RSRC1: variants seen among roughly 807,000 people sequenced by gnomAD.
RSRC1 encodes serine/Arginine-related protein 53.
RSRC1 carries 39 observed loss-of-function variants against 49.1 expected under a neutral mutation model. That is an observed-to-expected ratio of 0.79 (90% CI 0.61 to 1.04). The LOEUF is 1.04. RSRC1 is among the 50% of genes least tolerant of loss of function. The probability of loss-of-function intolerance (pLI) is 0.00; values close to 1 mark genes in which losing one functional copy is unlikely to be tolerated. For missense variants in RSRC1, 388 were observed against 402.4 expected (o/e 0.96, Z 0.31); for synonymous variants, 143 against 130.8 (o/e 1.09, Z -0.63).
chr3:158,296,451 A>G (rs947280405), intron 4 of RSRC1, among the ~76,000 whole-genome samples: 2 of 151,576 alleles, frequency 1.3e-5, no homozygotes, highest in Non-Finnish European at 3.0e-5. Flanking sequence ...GTGTGTGTGC[A>G]TGCATGTGCA....
intron 6 of RSRC1, among the ~76,000 whole-genome samples, chr3:158,365,145 T>G (rs1306107089): frequency 1.3e-5 from 2 of 152,250 alleles, no homozygotes; most frequent in East Asian, 3.9e-4. Context: ...GTGCTTTTAT[T>G]TATTTCATTT....
chr3:158,157,957 G>T (rs552539231), intron 3 of RSRC1, among the ~76,000 whole-genome samples: 2 of 151,666 alleles, frequency 1.3e-5, no homozygotes, highest in African/African-American at 2.4e-5. Flanking sequence ...GATTACTGTC[G>T]CTTTGGTTTT....
chr3:158,290,464 A>G (rs1726868939), intron 4 of RSRC1, among the ~76,000 whole-genome samples: 1 of 151,708 alleles, frequency 6.6e-6, no homozygotes, highest in Non-Finnish European at 1.5e-5. Context: ...TTTAGTAGAG[A>G]TGGGGTTTCA....
chr3:158,544,453 C>T lies in RSRC1; in HGVS notation c.*178C>T. Reference sequence around the variant, plus strand: ...ATTTGTTAATTTGAATTAAATCAAACATTGTAAAAATTAAAACAAAATTTA... The same window carrying T: ...ATTTGTTAATTTGAATTAAATCAAATATTGTAAAAATTAAAACAAAATTTA... On this transcript the variant is annotated 3_prime_UTR_variant, in exon 10 of 10. Transcript: ENST00000611884. 1 of 400,678 alleles carries T rather than the reference C, an allele frequency of 2.5e-6. No homozygotes were observed. Among genetic ancestry groups the T allele is most frequent in the Non-Finnish European group, 4.4e-6 (1 of 225,898 alleles). 24.8% of individuals were successfully genotyped at this position (400,678 alleles called of 1,614,324 possible). A position where few individuals can be genotyped will look rare whatever the true frequency, so the allele number is the denominator to read the frequency against.
At chr3:158,110,524 C>T (rs980152740) in intron 1 of RSRC1, 2 of 152,776 alleles carry the variant, frequency 1.3e-5, no homozygotes, top group Admixed American at 1.3e-4. Context: ...CCTCGCCCCA[C>T]GTTCCTGGTT....
intron 7 of RSRC1, among the ~76,000 whole-genome samples, chr3:158,520,197 G>T (rs1180170882): frequency 6.6e-6 from 1 of 151,978 alleles, no homozygotes; most frequent in Non-Finnish European, 1.5e-5. Flanking sequence ...AATTAAATTG[G>T]CCCATTCTAT....
chr3:158,157,217 A>C (rs1414897019), intron 3 of RSRC1, among the ~76,000 whole-genome samples: 1 of 152,238 alleles, frequency 6.6e-6, no homozygotes, highest in Non-Finnish European at 1.5e-5. Context: ...GTAACAATAC[A>C]TGCCAATGAT....
intron 6 of RSRC1, among the ~76,000 whole-genome samples, chr3:158,414,156 C>T (rs556199766): frequency 3.3e-5 from 5 of 152,204 alleles, no homozygotes; most frequent in African/African-American, 9.6e-5. Flanking sequence ...AACCCAAATG[C>T]CCATCAGTGA....
chr3:158,498,890 G>T (rs1344254926), intron 7 of RSRC1, among the ~76,000 whole-genome samples: 1 of 152,072 alleles, frequency 6.6e-6, no homozygotes, highest in South Asian at 2.1e-4. Flanking sequence ...AAGTATTTGG[G>T]TTTATTTCCG....
At chr3:158,221,700 T>C (rs1722228422) in intron 4 of RSRC1, among the ~76,000 whole-genome samples, 1 of 151,516 alleles carries the variant, frequency 6.6e-6, no homozygotes, top group Admixed American at 6.6e-5. Flanking sequence ...TAGATGCCTT[T>C]CCTATGCTTA....
intron 7 of RSRC1, among the ~76,000 whole-genome samples, chr3:158,518,118 G>GCATATATATATATATATA (rs1341871336): frequency 1.3e-5 from 1 of 75,814 alleles, no homozygotes; most frequent in African/African-American, 6.7e-5. Flanking sequence ...GTGTGTGTGT[G>GCATATATATATATATATA]TGTGTGTGTA....
At chr3:158,261,990 C>T (rs1166543618) in intron 4 of RSRC1, among the ~76,000 whole-genome samples, 1 of 152,190 alleles carries the variant, frequency 6.6e-6, no homozygotes, top group Non-Finnish European at 1.5e-5. Flanking sequence ...TCTGCACCAC[C>T]CCTACCCAGC....
At chr3:158,147,007 C>T (rs1399906087) in intron 3 of RSRC1, among the ~76,000 whole-genome samples, 1 of 151,736 alleles carries the variant, frequency 6.6e-6, no homozygotes, top group Non-Finnish European at 1.5e-5. Flanking sequence ...AAGATTTTCC[C>T]CATGGCTGCT....
At chr3:158,256,301 A>G (rs562843926) in intron 4 of RSRC1, among the ~76,000 whole-genome samples, 1 of 152,090 alleles carries the variant, frequency 6.6e-6, no homozygotes, top group Non-Finnish European at 1.5e-5. Flanking sequence ...TGGCCTTTTC[A>G]GCACCTCTCG....
chr3:158,542,823 G>T (rs904465086), intron 8 of RSRC1, among the ~76,000 whole-genome samples: 1 of 152,104 alleles, frequency 6.6e-6, no homozygotes, highest in East Asian at 1.9e-4. Context: ...TATGGTATAT[G>T]AATTCTATAA....
chr3:158,166,117 C>T (rs191658434), intron 3 of RSRC1, among the ~76,000 whole-genome samples: 1 of 152,284 alleles, frequency 6.6e-6, no homozygotes, highest in African/African-American at 2.4e-5. Context: ...CACAAGGACA[C>T]ATGATAACAG....
intron 3 of RSRC1, among the ~76,000 whole-genome samples, chr3:158,183,519 A>T (rs1049880073): frequency 7.2e-5 from 11 of 152,218 alleles, no homozygotes; most frequent in African/African-American, 2.4e-4. Flanking sequence ...GTGGAAATAG[A>T]CATGATTATA....
chr3:158,261,130 A>G (rs373668294), intron 4 of RSRC1, among the ~76,000 whole-genome samples: 13 of 152,140 alleles, frequency 8.5e-5, no homozygotes, highest in Non-Finnish European at 1.9e-4. Flanking sequence ...GCAGGCTCCT[A>G]TTTGGCCATC....
At chr3:158,337,175 G>A (rs1244128331) in intron 5 of RSRC1, among the ~76,000 whole-genome samples, 2 of 152,206 alleles carry the variant, frequency 1.3e-5, no homozygotes, top group African/African-American at 2.4e-5. Flanking sequence ...GGAGTGTCCC[G>A]CTTCCCACGC....
Sources: gnomAD v4.1 joint callset for allele counts (sites outside exome capture counted in the v4.1 genomes callset) on GRCh38, gnomAD v4.1.1 for gene constraint, MANE v1.5 for transcripts, NCBI Gene and HGNC (gene_info 2026-07-23, HGNC 2026-07-21) for gene names.